The following CAMLG variants were observed in gnomAD, a reference collection of about 807,000 sequenced individuals.
The protein encoded by CAMLG is guided entry of tail-anchored proteins factor CAMLG.
In CAMLG, 23 loss-of-function variants were observed where a neutral mutation model predicts 28.9. The ratio of observed to expected loss-of-function variants is 0.80; its 90% CI spans 0.57 to 1.13. CAMLG has a LOEUF of 1.13. CAMLG is among the 50% of genes most tolerant of loss of function. The probability of loss-of-function intolerance (pLI) is 0.00; values close to 1 mark genes in which losing one functional copy is unlikely to be tolerated. For missense variants in CAMLG, 367 were observed against 371.9 expected (o/e 0.99, Z 0.11); for synonymous variants, 141 against 146.5 (o/e 0.96, Z 0.27).
intron 3 of CAMLG, among the ~76,000 whole-genome samples, chr5:134,749,722 AGTT>A (rs1753091197): frequency 1.3e-5 from 2 of 152,134 alleles, no homozygotes. Context: ...GTCTGTTTTT[AGTT>A]GTTGTTTTTG....
intron 3 of CAMLG, among the ~76,000 whole-genome samples, chr5:134,746,137 CAAAAAAAAAAA>C (rs1156938843): frequency 0.016 from 1,268 of 77,130 alleles, 16 homozygotes; most frequent in Middle Eastern, 0.085. Flanking sequence ...AACTCCATCT[CAAAAAAAAAAA>C]AAAAAAAAAA....
At chr5:134,746,395 T>C (rs1753050085) in intron 3 of CAMLG, among the ~76,000 whole-genome samples, 1 of 152,178 alleles carries the variant, frequency 6.6e-6, no homozygotes, top group South Asian at 2.1e-4. Context: ...TAGAGATGTA[T>C]ATATGGGTAC....
At chr5:134,750,537 CAA>C (rs750026162) in intron 3 of CAMLG, among the ~76,000 whole-genome samples, 8 of 122,278 alleles carry the variant, frequency 6.5e-5, no homozygotes, top group African/African-American at 6.2e-5. Context: ...GACTCCATCT[CAA>C]AAAAAAAAAA....
At chr5:134,744,336 C>A (rs190269075) in intron 3 of CAMLG, among the ~76,000 whole-genome samples, 16 of 152,124 alleles carry the variant, frequency 1.1e-4, no homozygotes, top group Admixed American at 5.2e-4. Context: ...CCAGCCTGGC[C>A]AACATGGTGC....
chr5:134,747,345 G>A (rs1753061114), intron 3 of CAMLG, among the ~76,000 whole-genome samples: 1 of 151,892 alleles, frequency 6.6e-6, no homozygotes, highest in South Asian at 2.1e-4. Context: ...ACTGTTTTAA[G>A]GTTCTTTAGG....
chr5:134,748,911 A>G (rs1318308747), intron 3 of CAMLG, among the ~76,000 whole-genome samples: 1 of 152,062 alleles, frequency 6.6e-6, no homozygotes, highest in Non-Finnish European at 1.5e-5. Flanking sequence ...TTCTTGGCTC[A>G]GTAATACTAC....
chr5:134,740,573 G>A (rs763624166), intron 1 of CAMLG, among the ~76,000 whole-genome samples: 1 of 152,092 alleles, frequency 6.6e-6, no homozygotes, highest in East Asian at 1.9e-4. Flanking sequence ...CATTTTGAGG[G>A]TGTAGAGGAA....
chr5:134,747,983 TC>T (rs1753071195), intron 3 of CAMLG, among the ~76,000 whole-genome samples: 2 of 150,408 alleles, frequency 1.3e-5, no homozygotes, highest in Non-Finnish European at 3.0e-5. Flanking sequence ...TGCCTCAGCC[TC>T]CCAAGTAGCT....
intron 3 of CAMLG, among the ~76,000 whole-genome samples, chr5:134,746,137 C>CAAAA (rs1156938843): frequency 7.8e-5 from 6 of 77,086 alleles, no homozygotes; most frequent in Non-Finnish European, 1.5e-4. Context: ...AACTCCATCT[C>CAAAA]AAAAAAAAAA....
chr5:134,749,005 C>CT (rs1308671373), intron 3 of CAMLG, among the ~76,000 whole-genome samples: 1 of 151,062 alleles, frequency 6.6e-6, no homozygotes, highest in East Asian at 1.9e-4. Flanking sequence ...ATGACTAAAA[C>CT]TAAGAGCTTT....
intron 2 of CAMLG, among the ~76,000 whole-genome samples, chr5:134,742,081 G>T (rs1471531523): frequency 3.3e-5 from 5 of 152,172 alleles, no homozygotes; most frequent in Non-Finnish European, 7.3e-5. Flanking sequence ...ATGATTTAAA[G>T]TATATGGGAG....
chr5:134,741,318 C>T lies in CAMLG; in HGVS notation c.428C>T (p.Ser143Leu), dbSNP rs569294650. 3.0e-5 allele frequency: 49 copies of T among 1,614,184 alleles called. No individual in the cohort carries two copies. In the East Asian group the frequency reaches 7.8e-4, roughly 26 times the overall value. ...AACAGAGGGGACCTGACAGCGGACT[C>T]GGTCCAGAGGGGTTCCCGCCATGGC... ...QRNRGDLTAD[S>L]VQRGSRHGLE... The change falls in exon 2 of 4, where the codon TCG becomes TTG. Residue 143 changes from serine (S) to leucine (L), a missense_variant. By Grantham distance (145) the Ser-to-Leu change is moderately radical. Transcript: ENST00000297156.
At chr5:134,747,535 A>G (rs1038394880) in intron 3 of CAMLG, among the ~76,000 whole-genome samples, 12 of 151,606 alleles carry the variant, frequency 7.9e-5, no homozygotes, top group Non-Finnish European at 1.5e-4. Flanking sequence ...TTTAGTAGAG[A>G]CGGGGTTTCA....
At chr5:134,740,307 C>A (rs535687389) in intron 1 of CAMLG, among the ~76,000 whole-genome samples, 8 of 152,134 alleles carry the variant, frequency 5.3e-5, no homozygotes, top group Non-Finnish European at 1.2e-4. Flanking sequence ...ATGCCACACC[C>A]TATGCTCATA....
intron 3 of CAMLG, among the ~76,000 whole-genome samples, chr5:134,750,027 C>T (rs1753094766): frequency 6.6e-6 from 1 of 152,180 alleles, no homozygotes; most frequent in African/African-American, 2.4e-5. Flanking sequence ...TTTAATTTTA[C>T]TTCCTCTGAA....
At chr5:134,739,265 C>G (rs1024655780) in intron 1 of CAMLG, among the ~76,000 whole-genome samples, 1 of 152,178 alleles carries the variant, frequency 6.6e-6, no homozygotes, top group Non-Finnish European at 1.5e-5. Context: ...ATCAGCCTGT[C>G]TTTACTGAAC....
rs575050865 is a variant in CAMLG, at chr5:134,746,290, A to G, written c.699+2238A>G. ...AGAATCTATACTAATTTCTTTTTGA[A>G]AAGAAAAAATAATGTATTATTTGAT... On this transcript the variant is annotated intron_variant, in intron 3 of 3. Transcript: ENST00000297156. 4.9e-4 allele frequency among the ~76,000 whole-genome samples: 75 copies of G among 152,276 alleles called. 1 individual carries two copies. The highest frequency in any genetic ancestry group is 1.6e-3 in the African/African-American group (68 of 41,574).
At chr5:134,749,296 C>G (rs1742644186) in intron 3 of CAMLG, among the ~76,000 whole-genome samples, 1 of 152,126 alleles carries the variant, frequency 6.6e-6, no homozygotes, top group African/African-American at 2.4e-5. Context: ...TCTCGAACTC[C>G]TGACCTTGTG....
intron 2 of CAMLG, among the ~76,000 whole-genome samples, chr5:134,743,780 C>T (rs937218530): frequency 1.3e-5 from 2 of 151,120 alleles, no homozygotes; most frequent in Non-Finnish European, 2.9e-5. Context: ...GCACGAGCAT[C>T]GCTTGAATCT....
Sources: gnomAD v4.1 joint callset for allele counts (sites outside exome capture counted in the v4.1 genomes callset) on GRCh38, gnomAD v4.1.1 for gene constraint, MANE v1.5 for transcripts, NCBI Gene and HGNC (gene_info 2026-07-23, HGNC 2026-07-21) for gene names.